The following ZNF573 variants were observed in gnomAD, a reference collection of about 807,000 sequenced individuals.
The protein encoded by ZNF573 is zinc finger protein 573.
ZNF573 carries 41 observed loss-of-function variants against 57.4 expected under a neutral mutation model. That is an observed-to-expected ratio of 0.71 (90% CI 0.56 to 0.93). ZNF573 has a LOEUF of 0.93. Among genes scored for constraint, ZNF573 ranks in the 40% least tolerant of loss-of-function variants. ZNF573 has a pLI of 0.00. For missense variants in ZNF573, 730 were observed against 794.8 expected, an observed-to-expected ratio of 0.92 and a Z score of 0.98; for synonymous variants, 249 against 261.0, an observed-to-expected ratio of 0.95 and a Z score of 0.44.
chr19:37,739,708 AGAT>A lies in ZNF573; in HGVS notation c.779_781del (p.His260del). 1.2e-5 allele frequency: 20 copies of A among 1,613,832 alleles called. No homozygotes were observed. Among genetic ancestry groups the A allele is most frequent in the Non-Finnish European group, 1.7e-5 (20 of 1,179,860 alleles). ...AGTATGAACTCTCTGATGAATTCTA[AGAT>A]GTCCACCTTGACTAAAGGCCCTCCC... On this transcript the variant is annotated inframe_deletion, in exon 5 of 5. Coordinates refer to ENST00000536220, the MANE Select transcript of ZNF573 (RefSeq NM_001172690.2).
In ZNF573 at chr19:37,738,863, G is replaced by A; in HGVS notation, c.1627C>T (p.Leu543=). The A allele has an allele frequency of 6.2e-7, 1 of 1,610,896 alleles. No homozygotes were observed. Among genetic ancestry groups the A allele is most frequent in the Non-Finnish European group, 8.5e-7 (1 of 1,179,180 alleles). ...KTFTFYRNLT[L]HQSIHTDEKP... ...TCATCAGTATGAATACTTTGATGTAGAGTAAGATTTCTATAGAAAGTAAAG... is the reference window on the plus strand; with the variant it reads ...TCATCAGTATGAATACTTTGATGTAAAGTAAGATTTCTATAGAAAGTAAAG... Residue 543 remains leucine (L), a synonymous_variant, in exon 5 of 5, where the codon CTA becomes TTA. Coordinates refer to ENST00000536220, the MANE Select transcript of ZNF573 (RefSeq NM_001172690.2).
chr19:37,738,913 T>C lies in ZNF573; in HGVS notation c.1577A>G (p.Tyr526Cys), dbSNP rs755955995. 2.9e-5 allele frequency: 46 copies of C among 1,611,032 alleles called. No individual in the cohort carries two copies. The highest frequency in any genetic ancestry group is 3.7e-5 in the Non-Finnish European group (44 of 1,177,664). ...GGTTTTTCTACATACCTTACATTCA[T>C]AGGGTTTCATACCAGTATGAATTTT... ...HQKIHTGMKPYECKVCRKTFT... is the reference protein window; with the variant it reads ...HQKIHTGMKPCECKVCRKTFT... The change falls in exon 5 of 5, where the codon TAT becomes TGT. Residue 526 changes from tyrosine (Y) to cysteine (C), a missense_variant. Physicochemically the swap from Tyr to Cys is radical, Grantham distance 194. Transcript: ENST00000536220.
chr19:37,766,643 T>C (rs905902455), intron 4 of ZNF573, among the ~76,000 whole-genome samples: 6 of 152,166 alleles, frequency 3.9e-5, no homozygotes, highest in African/African-American at 1.4e-4. Context: ...AACTTTTAAT[T>C]CTCAGTAAAA....
intron 4 of ZNF573, among the ~76,000 whole-genome samples, chr19:37,765,384 T>C (rs1460653742): frequency 3.3e-5 from 5 of 152,132 alleles, no homozygotes; most frequent in Non-Finnish European, 7.4e-5. Flanking sequence ...TGCAACACTT[T>C]GTCATATCAG....
At chr19:37,768,512 C>T (rs2045621841) in intron 4 of ZNF573, among the ~76,000 whole-genome samples, 1 of 152,124 alleles carries the variant, frequency 6.6e-6, no homozygotes, top group Non-Finnish European at 1.5e-5. Flanking sequence ...AAACACATGG[C>T]TTGTGACCTT....
chr19:37,742,357 C>T (rs188779076), intron 4 of ZNF573, among the ~76,000 whole-genome samples: 1 of 152,256 alleles, frequency 6.6e-6, no homozygotes, highest in Admixed American at 6.5e-5. Flanking sequence ...AAAGAAGACC[C>T]CGTACAGCCA....
chr19:37,768,676 T>A (rs1324559950), intron 4 of ZNF573, among the ~76,000 whole-genome samples: 1 of 152,114 alleles, frequency 6.6e-6, no homozygotes, highest in Non-Finnish European at 1.5e-5. Flanking sequence ...TTTATTTATT[T>A]ATTTTTTGAG....
In ZNF573 at chr19:37,764,927, C is replaced by T. The variant is rs1347023056; in HGVS notation, c.295+5078G>A. On this transcript the variant is annotated intron_variant, in intron 4 of 4. Coordinates refer to ENST00000536220, the MANE Select transcript of ZNF573 (RefSeq NM_001172690.2). ...CTTTTTTTTTTTTTTTTTTTTGAGA[C>T]GGAGTTTCACTCTTGTCGCCTAGGC... Among the ~76,000 whole-genome samples, 5 of 116,638 alleles carry T rather than the reference C, an allele frequency of 4.3e-5. No individual in the cohort carries two copies. In the South Asian group the frequency reaches 1.2e-3, roughly 28 times the overall value. 76.5% of individuals were successfully genotyped at this position (116,638 alleles called of 152,430 possible). A position where few individuals can be genotyped will look rare whatever the true frequency, so the allele number is the denominator to read the frequency against.
At chr19:37,744,844 C>T (rs879513135) in intron 4 of ZNF573, among the ~76,000 whole-genome samples, 9 of 148,930 alleles carry the variant, frequency 6.0e-5, no homozygotes, top group Non-Finnish European at 1.2e-4. Context: ...TGCAGTGGTG[C>T]GATCTCGGCT....
chr19:37,771,162 C>T (rs1302689948), intron 3 of ZNF573, among the ~76,000 whole-genome samples: 1 of 151,476 alleles, frequency 6.6e-6, no homozygotes, highest in Non-Finnish European at 1.5e-5. Flanking sequence ...CATGAATCTG[C>T]GTCTTTTGTC....
intron 4 of ZNF573, among the ~76,000 whole-genome samples, chr19:37,751,112 G>A (rs1227962442): frequency 7.0e-6 from 1 of 142,338 alleles, no homozygotes; most frequent in Non-Finnish European, 1.5e-5. Context: ...CATATATACT[G>A]TGTATATATA....
chr19:37,770,625 A>T (rs945970396), intron 3 of ZNF573: 1 of 146,496 alleles, frequency 6.8e-6, no homozygotes, highest in South Asian at 2.2e-4. Flanking sequence ...AAAAAAAAAA[A>T]TTAGGCATGG....
intron 4 of ZNF573, among the ~76,000 whole-genome samples, chr19:37,760,594 C>T (rs533277644): frequency 2.5e-3 from 373 of 151,936 alleles, no homozygotes; most frequent in Middle Eastern, 0.01. Context: ...GAGGCCGCGG[C>T]GGGCAGATCA....
chr19:37,739,146 T>G lies in ZNF573; in HGVS notation c.1344A>C (p.Lys448Asn), dbSNP rs550543312. 3.1e-6 allele frequency: 5 copies of G among 1,613,048 alleles called. No individual in the cohort carries two copies. In the South Asian group the frequency reaches 5.5e-5, roughly 18 times the overall value. ...GATTTCTATACAAAGTAAAGGTTTT[T>G]TTACACTCCTTACATTCAAAGTGTT... ...GMKHFECKEC[K>N]KTFTLYRNLT... Residue 448 changes from lysine (K) to asparagine (N), a missense_variant, in exon 5 of 5, where the codon AAA becomes AAC. Transcript: ENST00000536220.
intron 4 of ZNF573, among the ~76,000 whole-genome samples, chr19:37,754,259 C>T (rs1423555925): frequency 3.3e-5 from 5 of 152,044 alleles, no homozygotes; most frequent in African/African-American, 7.2e-5. Flanking sequence ...CGGTGGCTCA[C>T]GCCTGTAATC....
chr19:37,754,712 G>C (rs1254985385), intron 4 of ZNF573, among the ~76,000 whole-genome samples: 1 of 150,078 alleles, frequency 6.7e-6, no homozygotes, highest in Admixed American at 6.6e-5. Flanking sequence ...GGTACAGAAG[G>C]CAAAGTTTAA....
At chr19:37,774,348 C>T (rs1025408057) in intron 1 of ZNF573, among the ~76,000 whole-genome samples, 2 of 151,746 alleles carry the variant, frequency 1.3e-5, no homozygotes, top group African/African-American at 2.4e-5. Context: ...ACTATGTTGG[C>T]GGGGCTGGTC....
chr19:37,746,899 A>G (rs2045389030), intron 4 of ZNF573, among the ~76,000 whole-genome samples: 1 of 152,036 alleles, frequency 6.6e-6, no homozygotes, highest in Non-Finnish European at 1.5e-5. Flanking sequence ...TGGTTTTTAA[A>G]TCCCATTCTC....
intron 4 of ZNF573, among the ~76,000 whole-genome samples, chr19:37,748,260 G>C (rs2045400482): frequency 6.6e-6 from 1 of 152,200 alleles, no homozygotes; most frequent in South Asian, 2.1e-4. Flanking sequence ...CAGTTTCCTA[G>C]TTTTGACAAA....
Sources: gnomAD v4.1 joint callset for allele counts (sites outside exome capture counted in the v4.1 genomes callset) on GRCh38, gnomAD v4.1.1 for gene constraint, MANE v1.5 for transcripts, NCBI Gene and HGNC (gene_info 2026-07-23, HGNC 2026-07-21) for gene names.